The following ADD2 variants were observed in gnomAD, a reference collection of about 807,000 sequenced individuals.
The protein encoded by ADD2 is beta-adducin.
A neutral mutation model predicts 83.0 loss-of-function variants in ADD2; 23 were observed. That is an observed-to-expected ratio of 0.28 (90% CI 0.20 to 0.39). ADD2 has a LOEUF of 0.39. ADD2 is among the 10% of genes least tolerant of loss of function. The pLI is 1.00. For missense variants in ADD2, 758 were observed against 944.9 expected (o/e 0.80, Z 2.59); for synonymous variants, 375 against 375.4 (o/e 1.00, Z 0.01).
At chr2:70,742,943 C>G (rs1183370668) in intron 1 of ADD2, among the ~76,000 whole-genome samples, 1 of 152,206 alleles carries the variant, frequency 6.6e-6, no homozygotes, top group Non-Finnish European at 1.5e-5. Context: ...AATATACACT[C>G]TCTTTGAAAA....
chr2:70,747,772 G>A (rs111899710), intron 1 of ADD2, among the ~76,000 whole-genome samples: 139 of 152,288 alleles, frequency 9.1e-4, no homozygotes, highest in African/African-American at 3.2e-3. Flanking sequence ...CTAGTGACTT[G>A]GGAGCCACTT....
At chr2:70,710,373 G>T (rs1346031631) in intron 2 of ADD2, among the ~76,000 whole-genome samples, 1 of 152,218 alleles carries the variant, frequency 6.6e-6, no homozygotes, top group Admixed American at 6.5e-5. Flanking sequence ...AAGTAGCTCT[G>T]CCCTCCCTGA....
In ADD2 at chr2:70,706,294, C is replaced by A. The variant is rs1161235778; in HGVS notation, c.115G>T (p.Ala39Ser). The A allele has an allele frequency of 6.2e-7, 1 of 1,614,004 alleles. No homozygotes were observed. The highest frequency in any genetic ancestry group is 8.5e-7 in the Non-Finnish European group (1 of 1,180,010). ...PEYMRLRNRA[A>S]DLRQDFNLME... ...AGGTTGAAGTCCTGCCGCAGGTCCG[C>A]CGCCCGGTTGCGAAGGCGCATGTAC... The change falls in exon 3 of 16, where the codon GCG (alanine) becomes TCG (serine). Residue 39 changes from alanine (A) to serine (S), a missense_variant. Physicochemically the swap from Ala to Ser is moderately conservative, Grantham distance 99. Transcript: ENST00000264436. The surrounding 1 kb of genome is among the most constrained non-coding windows in gnomAD (Gnocchi z 5.0).
Position 70,706,202 on chromosome 2 carries a change from CCCGCCCGGGT to C in ADD2, c.183+14_183+23del, listed in dbSNP as rs1671877986. On this transcript the variant is annotated intron_variant, in intron 3 of 15. Coordinates refer to ENST00000264436, the MANE Select transcript of ADD2 (RefSeq NM_001617.4). The surrounding 1 kb of genome is among the most constrained non-coding windows in gnomAD (Gnocchi z 5.0). Reference sequence around the variant, plus strand: ...AGAGCCAGCGCCCCCTGCGCCCTCTCCCGCCCGGGTCAGCCCCACTCACGGGACTCTGCAG... The same window carrying C: ...AGAGCCAGCGCCCCCTGCGCCCTCTCCAGCCCCACTCACGGGACTCTGCAG... 1 of 1,609,626 alleles carries C rather than the reference CCCGCCCGGGT, an allele frequency of 6.2e-7. No homozygotes were observed. Among genetic ancestry groups the C allele is most frequent in the African/African-American group, 1.3e-5 (1 of 74,846 alleles).
chr2:70,746,794 AGCCC>A (rs1553382069), intron 1 of ADD2, among the ~76,000 whole-genome samples: 1 of 152,146 alleles, frequency 6.6e-6, no homozygotes. Context: ...AGATAGCAAC[AGCCC>A]CCATGCCTGG....
intron 4 of ADD2, among the ~76,000 whole-genome samples, chr2:70,696,942 C>T (rs1553372821): frequency 6.6e-6 from 1 of 152,094 alleles, no homozygotes; most frequent in African/African-American, 2.4e-5. Context: ...GGGCGGATCA[C>T]AAGGTCGAGA....
chr2:70,708,667 C>T (rs1010287562), intron 2 of ADD2, among the ~76,000 whole-genome samples: 1 of 152,194 alleles, frequency 6.6e-6, no homozygotes, highest in Non-Finnish European at 1.5e-5. Flanking sequence ...ATACACTTGG[C>T]CTGGGACATG....
chr2:70,728,641 G>A (rs1673132259), intron 1 of ADD2, among the ~76,000 whole-genome samples: 1 of 152,240 alleles, frequency 6.6e-6, no homozygotes, highest in African/African-American at 2.4e-5. Context: ...CCTTTTGCGA[G>A]TTATTTTATG....
intron 6 of ADD2, among the ~76,000 whole-genome samples, chr2:70,693,804 T>G (rs1671173439): frequency 6.6e-6 from 1 of 152,110 alleles, no homozygotes; most frequent in Non-Finnish European, 1.5e-5. Flanking sequence ...TCTTACATAT[T>G]TTATATCTCA....
intron 15 of ADD2, among the ~76,000 whole-genome samples, chr2:70,668,431 C>T (rs189447135): frequency 1.5e-4 from 23 of 152,348 alleles, no homozygotes; most frequent in African/African-American, 5.3e-4. Flanking sequence ...AATGAGCTCG[C>T]CTTCCTGTAA....
At chr2:70,663,950 C>A (rs782034436) in intron 15 of ADD2, among the ~76,000 whole-genome samples, 4 of 152,142 alleles carry the variant, frequency 2.6e-5, no homozygotes, top group Non-Finnish European at 5.9e-5. Flanking sequence ...CACCCCCTTG[C>A]AGGCTGGCAG....
intron 15 of ADD2, among the ~76,000 whole-genome samples, chr2:70,665,831 T>TTTC (rs1180851676): frequency 4.2e-5 from 6 of 144,282 alleles, no homozygotes; most frequent in African/African-American, 1.6e-4. Context: ...TTTTTTTTTT[T>TTTC]CCCGAAACAG....
chr2:70,700,825 A>G (rs1671549821), intron 4 of ADD2, among the ~76,000 whole-genome samples: 1 of 152,104 alleles, frequency 6.6e-6, no homozygotes, highest in African/African-American at 2.4e-5. Context: ...GAAAAACTCC[A>G]TAAAATGGTT....
intron 3 of ADD2, 86 bp from the exon 4 acceptor site, chr2:70,704,545 C>T (rs1281314699): frequency 6.4e-7 from 1 of 1,555,438 alleles, no homozygotes; most frequent in African/African-American, 1.4e-5. Context: ...CCACCCCTTG[C>T]CCCTGGGTCA....
chr2:70,704,263 T>TGGCCCCCCCCCC, intron 4 of ADD2, 58 bp downstream of exon 4: 6 of 913,230 alleles, frequency 6.6e-6, no homozygotes, highest in Non-Finnish European at 1.0e-5. Flanking sequence ...CTCCCTCTCT[T>TGGCCCCCCCCCC]CCCCACCCCA....
intron 4 of ADD2, among the ~76,000 whole-genome samples, chr2:70,700,494 T>C (rs1553373376): frequency 1.3e-5 from 2 of 152,144 alleles, no homozygotes; most frequent in South Asian, 2.1e-4. Flanking sequence ...GTCTTTATTA[T>C]TGAATTCAGT....
At chr2:70,666,604 G>A (rs1381408510) in intron 15 of ADD2, among the ~76,000 whole-genome samples, 1 of 152,180 alleles carries the variant, frequency 6.6e-6, no homozygotes, top group Non-Finnish European at 1.5e-5. Flanking sequence ...GGATAAGAGG[G>A]GCTCCCACTT....
At chr2:70,693,367 T>C (rs1216656611) in intron 6 of ADD2, among the ~76,000 whole-genome samples, 2 of 152,154 alleles carry the variant, frequency 1.3e-5, no homozygotes, top group Non-Finnish European at 2.9e-5. Context: ...AGCCAGATGA[T>C]AGTCTCTAAA....
intron 1 of ADD2, among the ~76,000 whole-genome samples, chr2:70,742,252 C>A (rs1477707555): frequency 6.6e-6 from 1 of 152,090 alleles, no homozygotes; most frequent in Non-Finnish European, 1.5e-5. Flanking sequence ...TATTTCTGAG[C>A]TAGTTATTTT....
Sources: gnomAD v4.1 joint callset for allele counts (sites outside exome capture counted in the v4.1 genomes callset) on GRCh38, gnomAD v4.1.1 for gene constraint, Gnocchi (gnomAD v3.1) non-coding constraint, MANE v1.5 for transcripts, NCBI Gene and HGNC (gene_info 2026-07-23, HGNC 2026-07-21) for gene names.